TRDN: variants seen among roughly 807,000 people sequenced by gnomAD.
TRDN encodes triadin, also known as triadin in skeletal muscle.
In TRDN, 161 loss-of-function variants were observed where a neutral mutation model predicts 149.7. The ratio of observed to expected loss-of-function variants is 1.08; its 90% CI spans 0.95 to 1.23. The LOEUF is 1.23. TRDN is among the 50% of genes most tolerant of loss of function. The probability of loss-of-function intolerance (pLI) is 0.00; values close to 1 mark genes in which losing one functional copy is unlikely to be tolerated. For synonymous variants in TRDN, 294 were observed against 250.5 expected (o/e 1.17, Z -1.64); for missense variants, 896 against 823.5 (o/e 1.09, Z -1.08).
At chr6:123,635,369 G>T (rs1786255226) in intron 1 of TRDN, among the ~76,000 whole-genome samples, 1 of 146,854 alleles carries the variant, frequency 6.8e-6, no homozygotes, top group Non-Finnish European at 1.5e-5. Flanking sequence ...ATTTAAAGGG[G>T]CTGGGTTTAA....
intron 5 of TRDN, among the ~76,000 whole-genome samples, chr6:123,516,588 T>A (rs1233092946): frequency 6.6e-6 from 1 of 152,118 alleles, no homozygotes; most frequent in Non-Finnish European, 1.5e-5. Context: ...TATAGAGACA[T>A]AATTTTCTGA....
intron 2 of TRDN, among the ~76,000 whole-genome samples, chr6:123,552,972 A>G (rs546303898): frequency 6.6e-6 from 1 of 152,170 alleles, no homozygotes; most frequent in Admixed American, 6.5e-5. Context: ...AAAAAGGATA[A>G]AGTACTCTGT....
intron 2 of TRDN, among the ~76,000 whole-genome samples, chr6:123,564,610 T>A (rs59549582): frequency 0.026 from 3,881 of 152,182 alleles, 171 homozygotes; most frequent in African/African-American, 0.088. Flanking sequence ...CATTAGAAAA[T>A]CTATTTAAAA....
At chr6:123,282,950 C>G in intron 24 of TRDN, among the ~76,000 whole-genome samples, 1 of 151,642 alleles carries the variant, frequency 6.6e-6, no homozygotes, top group South Asian at 2.1e-4. Flanking sequence ...AAGTTTAATA[C>G]AAGATAATAA....
intron 4 of TRDN, among the ~76,000 whole-genome samples, chr6:123,535,189 T>C (rs1780466564): frequency 6.6e-6 from 1 of 152,118 alleles, no homozygotes; most frequent in Non-Finnish European, 1.5e-5. Flanking sequence ...AAGTTACAAT[T>C]ATCTTAATGT....
intron 37 of TRDN, among the ~76,000 whole-genome samples, chr6:123,254,032 C>G (rs73549394): frequency 6.6e-6 from 1 of 152,022 alleles, no homozygotes; most frequent in Admixed American, 6.6e-5. Context: ...GTTAGATTTT[C>G]TCTTATTGCA....
At chr6:123,471,311 C>T (rs1054745317) in intron 9 of TRDN, 3 of 152,164 alleles carry the variant, frequency 2.0e-5, no homozygotes, top group Non-Finnish European at 4.4e-5. Flanking sequence ...CACTCAGCAA[C>T]TTATGAACTC....
chr6:123,449,895 G>A (rs571005345), intron 10 of TRDN, among the ~76,000 whole-genome samples: 1 of 152,288 alleles, frequency 6.6e-6, no homozygotes, highest in East Asian at 1.9e-4. Context: ...CAAGCCAGAA[G>A]GGATTGGGGC....
At chr6:123,377,236 T>G (rs941818375) in intron 18 of TRDN, among the ~76,000 whole-genome samples, 1 of 152,202 alleles carries the variant, frequency 6.6e-6, no homozygotes, top group Non-Finnish European at 1.5e-5. Flanking sequence ...TAAGTAAGAT[T>G]ATGAATAAGG....
intron 1 of TRDN, among the ~76,000 whole-genome samples, chr6:123,575,361 T>C (rs1051644390): frequency 1.3e-5 from 2 of 152,098 alleles, no homozygotes; most frequent in South Asian, 4.1e-4. Flanking sequence ...AGGGAATAAA[T>C]TGCCTTCTCT....
rs755548582 is a variant in TRDN at position 123,571,061 on chromosome 6, G to A, written c.94C>T (p.Leu32=). 207 of 1,613,940 alleles carry A rather than the reference G, an allele frequency of 1.3e-4. No individual in the cohort carries two copies. In the East Asian group the frequency reaches 4.4e-3, roughly 34 times the overall value. Residue 32 remains leucine, a synonymous_variant, in exon 2 of 41, where the codon CTG becomes TTG. Coordinates refer to ENST00000334268, the MANE Select transcript of TRDN (RefSeq NM_006073.4). ...ATGTCTTCTGTGACTGTCCTCTTCA[G>A]CACTTTTCCGGGGGATTTGGGCACA... ...GSVPKSPGKV[L]KRTVTEDIVT... is the part of the protein sequence containing the mutation.
In TRDN at chr6:123,433,131, C is replaced by T. The variant is rs1774400044; in HGVS notation, c.1051+4932G>A. Among the ~76,000 whole-genome samples the T allele has an allele frequency of 7.9e-5, 10 of 127,002 alleles. No homozygotes were observed. In the Admixed American group the frequency reaches 8.8e-4, roughly 11 times the overall value. 83.3% of individuals were successfully genotyped at this position (127,002 alleles called of 152,430 possible). Reference sequence around the variant, plus strand: ...TAGTACAAACCACACTCCCCTTCCCCCACACATCATAAATATATATATATA... The same window carrying T: ...TAGTACAAACCACACTCCCCTTCCCTCACACATCATAAATATATATATATA... On this transcript the variant is annotated intron_variant, in intron 12 of 40. Coordinates refer to ENST00000334268, the MANE Select transcript of TRDN (RefSeq NM_006073.4).
chr6:123,583,937 C>T lies in TRDN; in HGVS notation c.23-12805G>A, dbSNP rs976606679. 4.2e-5 allele frequency: 11 copies of T among 263,938 alleles called. No individual in the cohort carries two copies. In the Admixed American group the frequency reaches 4.3e-4, roughly 10 times the overall value. The allele number at this position is 263,938 out of a possible 1,614,324, so 16.3% of individuals were successfully genotyped here. On this transcript the variant is annotated intron_variant, in intron 1 of 40. Coordinates refer to ENST00000334268, the MANE Select transcript of TRDN (RefSeq NM_006073.4). The stretch of plus-strand genomic sequence containing the variant: ...AGTTATTTCCTTGAGGATAGATTTC[C>T]ACGATGGAAAGGAAATGAGAGGTTC...
chr6:123,633,621 A>G (rs939365854), intron 1 of TRDN, among the ~76,000 whole-genome samples: 2 of 152,044 alleles, frequency 1.3e-5, no homozygotes, highest in African/African-American at 4.8e-5. Context: ...TGTTATAATT[A>G]TCTTTATTAA....
chr6:123,420,729 T>C (rs955275142), intron 12 of TRDN, among the ~76,000 whole-genome samples: 1 of 151,946 alleles, frequency 6.6e-6, no homozygotes, highest in Non-Finnish European at 1.5e-5. Context: ...TGCTTCATAC[T>C]GGCATTATAC....
intron 24 of TRDN, among the ~76,000 whole-genome samples, chr6:123,299,944 C>A (rs1192456546): frequency 6.6e-6 from 1 of 151,948 alleles, no homozygotes; most frequent in Non-Finnish European, 1.5e-5. Context: ...TTTTAAATTT[C>A]TGAACATTCT....
At chr6:123,502,992 T>G in intron 8 of TRDN, 1 of 985,316 alleles carries the variant, frequency 1.0e-6, no homozygotes, top group Non-Finnish European at 1.2e-6. Flanking sequence ...GCTCTGTATA[T>G]TCACATAGCA....
At chr6:123,226,851 A>G (rs948452483) in intron 38 of TRDN, among the ~76,000 whole-genome samples, 7 of 151,868 alleles carry the variant, frequency 4.6e-5, no homozygotes, top group African/African-American at 4.8e-5. Context: ...GAAATTTTAA[A>G]GAGTGACCTG....
chr6:123,283,876 A>AT (rs1777695358), intron 24 of TRDN, among the ~76,000 whole-genome samples: 1 of 148,088 alleles, frequency 6.8e-6, no homozygotes, highest in South Asian at 2.1e-4. Context: ...GTCTGATAGA[A>AT]TTCTGCTGTG....
Sources: allele counts gnomAD v4.1 joint callset (sites outside exome capture counted in the v4.1 genomes callset), GRCh38; gene constraint gnomAD v4.1.1; transcripts MANE v1.5; gene names NCBI Gene and HGNC (gene_info 2026-07-23, HGNC 2026-07-21).